PRKN: variants seen among roughly 807,000 people sequenced by gnomAD.
The protein encoded by PRKN is parkin RBR E3 ubiquitin protein ligase, also known as E3 ubiquitin-protein ligase parkin.
A neutral mutation model predicts 59.5 loss-of-function variants in PRKN; 56 were observed. The ratio of observed to expected loss-of-function variants is 0.94; its 90% confidence interval spans 0.76 to 1.18. The LOEUF (loss-of-function observed/expected upper bound fraction) is 1.18, where lower values mean the gene tolerates loss of function less well. Among genes scored for constraint, PRKN ranks in the 50% most tolerant of loss-of-function variants. The pLI is 0.00. For synonymous variants in PRKN, 250 were observed against 222.1 expected (o/e 1.13, Z -1.12); for missense variants, 657 against 596.4 (o/e 1.10, Z -1.06).
At chr6:162,455,990 C>T (rs1181614491) in intron 1 of PRKN, among the ~76,000 whole-genome samples, 3 of 151,770 alleles carry the variant, frequency 2.0e-5, no homozygotes, top group African/African-American at 7.3e-5. Flanking sequence ...TAATTTTGTC[C>T]AAGTAATTAG....
chr6:161,581,041 AACACACAC>A lies in PRKN; in HGVS notation c.872-11633_872-11626del, dbSNP rs71004055. ...ACACAGTGAAATCCTGTCTCTACTA[AACACACAC>A]ACACACACACACACACACACACACA... On this transcript the variant is annotated intron_variant, in intron 7 of 11. Coordinates refer to ENST00000366898, the MANE Select transcript of PRKN (RefSeq NM_004562.3). The surrounding 1 kb of genome is among the most constrained non-coding windows in gnomAD (Gnocchi z 4.5). 4.4e-5 allele frequency among the ~76,000 whole-genome samples: 6 copies of A among 137,536 alleles called. No individual in the cohort carries two copies. The highest frequency in any genetic ancestry group is 2.3e-4 in the East Asian group (1 of 4,428). The allele number at this position is 137,536 out of a possible 152,430, so 90.2% of individuals were successfully genotyped here. A position where few individuals can be genotyped will look rare whatever the true frequency, so the allele number is the denominator to read the frequency against.
intron 7 of PRKN, among the ~76,000 whole-genome samples, chr6:161,755,437 A>C (rs928706099): frequency 6.6e-6 from 1 of 152,082 alleles, no homozygotes; most frequent in Non-Finnish European, 1.5e-5. Context: ...GTTAACACAA[A>C]AGGGACTCAG....
intron 2 of PRKN, among the ~76,000 whole-genome samples, chr6:162,385,671 T>C (rs1408657401): frequency 6.6e-6 from 1 of 152,156 alleles, no homozygotes; most frequent in Non-Finnish European, 1.5e-5. Flanking sequence ...TGCTCATTAC[T>C]GAGTTTCATG....
intron 5 of PRKN, among the ~76,000 whole-genome samples, chr6:162,026,736 G>C (rs1783451227): frequency 6.6e-6 from 1 of 152,110 alleles, no homozygotes; most frequent in African/African-American, 2.4e-5. Flanking sequence ...TAATTGTGCT[G>C]TTGTACGTTC....
chr6:161,481,504 T>G (rs1791396599), intron 9 of PRKN, among the ~76,000 whole-genome samples: 1 of 151,930 alleles, frequency 6.6e-6, no homozygotes, highest in South Asian at 2.1e-4. Context: ...CTCCGGAGGC[T>G]GAGGCAGGAG....
chr6:161,923,614 T>C (rs1778860440), intron 6 of PRKN, among the ~76,000 whole-genome samples: 1 of 152,220 alleles, frequency 6.6e-6, no homozygotes, highest in South Asian at 2.1e-4. Flanking sequence ...TGTCTCTACT[T>C]ACATATAATG....
Position 161,589,765 on chromosome 6 carries a change from A to G in PRKN, c.872-20349T>C, listed in dbSNP as rs571663431. ...TTTCCTTTAAAATACAATGAATTGA[A>G]AAGGATTAAATTCTTTTTTTTTTTT... is the stretch of plus-strand genomic sequence containing the variant. On this transcript the variant is annotated intron_variant, in intron 7 of 11. Transcript: ENST00000366898. 2.7e-5 allele frequency among the ~76,000 whole-genome samples: 4 copies of G among 150,358 alleles called. No homozygotes were observed. The South Asian group carries it at 8.5e-4, about 32-fold the overall frequency.
intron 1 of PRKN, among the ~76,000 whole-genome samples, chr6:162,692,381 G>A (rs1357500625): frequency 6.6e-6 from 1 of 152,094 alleles, no homozygotes; most frequent in Admixed American, 6.5e-5. Context: ...CCTAGTAAGA[G>A]TTTGCTTTTC....
intron 4 of PRKN, among the ~76,000 whole-genome samples, chr6:162,139,167 T>C (rs78295453): frequency 0.011 from 1,690 of 152,282 alleles, 28 homozygotes; most frequent in African/African-American, 0.039. Flanking sequence ...GCATATATTG[T>C]ACATTTTGCT....
At chr6:161,643,008 G>C (rs1783798412) in intron 7 of PRKN, among the ~76,000 whole-genome samples, 1 of 152,112 alleles carries the variant, frequency 6.6e-6, no homozygotes, top group South Asian at 2.1e-4. Context: ...AGTAAAACTA[G>C]GACATAAGGA....
intron 7 of PRKN, among the ~76,000 whole-genome samples, chr6:161,711,306 G>C (rs1231169627): frequency 1.3e-5 from 2 of 152,116 alleles, no homozygotes; most frequent in African/African-American, 4.8e-5. Context: ...GCAAATGGAG[G>C]AAGCATTGTT....
At chr6:161,911,755 C>T (rs938936750) in intron 6 of PRKN, among the ~76,000 whole-genome samples, 2 of 152,112 alleles carry the variant, frequency 1.3e-5, no homozygotes, top group African/African-American at 4.8e-5. Flanking sequence ...TTCCGTAATA[C>T]AGTACTGGAA....
rs139607075 is a variant in PRKN, at chr6:161,684,186, G to A, written c.871+101586C>T. Among the ~76,000 whole-genome samples, 75 of 152,060 alleles carry A rather than the reference G, an allele frequency of 4.9e-4. 1 individual carries two copies. Among genetic ancestry groups the A allele is most frequent in the African/African-American group, 1.8e-3 (73 of 41,472 alleles). ...GATTGTTTACAAATCATGTCTGCTT[G>A]GAGAAAACATTTTTCAAAAAAATTT... is the stretch of plus-strand genomic sequence containing the variant. On this transcript the variant is annotated intron_variant, in intron 7 of 11. Transcript: ENST00000366898.
intron 9 of PRKN, among the ~76,000 whole-genome samples, chr6:161,536,926 C>G (rs937578078): frequency 6.6e-6 from 1 of 152,196 alleles, no homozygotes; most frequent in South Asian, 2.1e-4. Flanking sequence ...CAATGTGAAG[C>G]AGTTCCCATC....
At chr6:161,542,974 A>G (rs981937791) in intron 9 of PRKN, among the ~76,000 whole-genome samples, 1 of 152,224 alleles carries the variant, frequency 6.6e-6, no homozygotes, top group Non-Finnish European at 1.5e-5. Flanking sequence ...AATAAATTAA[A>G]ATTGGCTTGA....
intron 7 of PRKN, among the ~76,000 whole-genome samples, chr6:161,672,425 T>G (rs1784941860): frequency 6.6e-6 from 1 of 152,206 alleles, no homozygotes; most frequent in Admixed American, 6.5e-5. Context: ...TTCACTGAAC[T>G]ATGATATGGT....
chr6:162,458,351 A>C (rs899502036), intron 1 of PRKN, among the ~76,000 whole-genome samples: 3 of 149,302 alleles, frequency 2.0e-5, no homozygotes, highest in Non-Finnish European at 3.0e-5. Flanking sequence ...ACTTGAACCC[A>C]GGAAGCAGAG....
At chr6:162,189,324 T>C (rs965861875) in intron 4 of PRKN, among the ~76,000 whole-genome samples, 1 of 151,348 alleles carries the variant, frequency 6.6e-6, no homozygotes, top group Non-Finnish European at 1.5e-5. Flanking sequence ...TCGGAGGGAA[T>C]TGAGACTAGA....
At chr6:162,524,039 T>A (rs549973358) in intron 1 of PRKN, among the ~76,000 whole-genome samples, 24 of 152,086 alleles carry the variant, frequency 1.6e-4, no homozygotes, top group African/African-American at 5.5e-4. Context: ...CCGTTATAAC[T>A]CAGATGTTTA....
Sources: allele counts gnomAD v4.1 joint callset (sites outside exome capture counted in the v4.1 genomes callset), GRCh38; gene constraint gnomAD v4.1.1; non-coding constraint Gnocchi (gnomAD v3.1); transcripts MANE v1.5; gene names NCBI Gene and HGNC (gene_info 2026-07-23, HGNC 2026-07-21).